B3GALT1: variants seen among roughly 807,000 people sequenced by gnomAD.
B3GALT1 encodes UDP-Gal:betaGlcNAc beta 1,3-galactosyltransferase, polypeptide 1.
A neutral mutation model predicts 23.2 loss-of-function variants in B3GALT1; 10 were observed. The ratio of observed to expected loss-of-function variants is 0.43; its 90% CI spans 0.27 to 0.73. B3GALT1 has a LOEUF of 0.73. B3GALT1 is among the 30% of genes least tolerant of loss of function. The pLI, the probability that B3GALT1 is intolerant of heterozygous loss-of-function variation, is 0.21. For synonymous variants in B3GALT1, 156 were observed against 141.5 expected (o/e 1.10, Z -0.73); for missense variants, 299 against 405.4 (o/e 0.74, Z 2.25).
chr2:167,349,417 G>A (rs1697276532), intron 1 of B3GALT1, among the ~76,000 whole-genome samples: 1 of 152,100 alleles, frequency 6.6e-6, no homozygotes, highest in African/African-American at 2.4e-5. Context: ...TGCAAGAATA[G>A]TGATGCTGGC....
chr2:167,774,498 T>TTTTTTTTTTTTTTTTTTTTG (rs1558974793), intron 3 of B3GALT1, among the ~76,000 whole-genome samples: 2 of 34,460 alleles, frequency 5.8e-5, no homozygotes, highest in Non-Finnish European at 8.8e-5. Context: ...TTTTTTTTTG[T>TTTTTTTTTTTTTTTTTTTTG]TTTTTTTTTT....
At chr2:167,567,269 G>A (rs139801884) in intron 2 of B3GALT1, among the ~76,000 whole-genome samples, 92 of 152,280 alleles carry the variant, frequency 6.0e-4, no homozygotes, top group African/African-American at 2.1e-3. Flanking sequence ...CAAGAATGTA[G>A]ATGACAATAC....
chr2:167,579,430 G>GTTTTTTTTTTTTTTTTTTTTTTTTTTTT (rs1553469287), intron 2 of B3GALT1, among the ~76,000 whole-genome samples: 3 of 63,622 alleles, frequency 4.7e-5, no homozygotes, highest in East Asian at 2.5e-3. Flanking sequence ...GTTTTTTTTT[G>GTTTTTTTTTTTTTTTTTTTTTTTTTTTT]TCTTTTTTTT....
In B3GALT1 at chr2:167,702,691, C is replaced by T. The variant is rs371923670; in HGVS notation, c.-352+55725C>T. Among the ~76,000 whole-genome samples the T allele has an allele frequency of 4.6e-5, 7 of 152,122 alleles. 1 individual carries two copies. The highest frequency in any genetic ancestry group is 1.0e-4 in the Non-Finnish European group (7 of 68,018). ...AATATTTCAGAAAATCAAATTTATT[C>T]CCTGAAGTACATTATAATAAAACGG... is the stretch of plus-strand genomic sequence containing the variant. On this transcript the variant is annotated intron_variant, in intron 3 of 4. Transcript: ENST00000392690.
At chr2:167,667,830 A>G (rs574460333) in intron 3 of B3GALT1, among the ~76,000 whole-genome samples, 3 of 152,326 alleles carry the variant, frequency 2.0e-5, no homozygotes, top group Admixed American at 2.0e-4. Context: ...TGTATTGGTT[A>G]TTCAAGTTAT....
intron 3 of B3GALT1, among the ~76,000 whole-genome samples, chr2:167,672,829 G>A (rs530172154): frequency 9.9e-5 from 15 of 151,878 alleles, no homozygotes; most frequent in African/African-American, 3.4e-4. Context: ...TATAGATAAG[G>A]GACTCAGATT....
rs549010146 is a variant in B3GALT1, at chr2:167,662,675, T to C, written c.-352+15709T>C. On this transcript the variant is annotated intron_variant, in intron 3 of 4. Transcript: ENST00000392690. ...TAACTCCTCTGCTCACAGCCTTCAA[T>C]GGCTCCCCATATGACATAGAGGAAA... Among the ~76,000 whole-genome samples, 4 of 152,124 alleles carry C rather than the reference T, an allele frequency of 2.6e-5. No homozygotes were observed. In the South Asian group the frequency reaches 8.3e-4, roughly 32 times the overall value.
At chr2:167,763,856 C>T (rs1687934043) in intron 3 of B3GALT1, among the ~76,000 whole-genome samples, 1 of 152,004 alleles carries the variant, frequency 6.6e-6, no homozygotes. Flanking sequence ...AAAACATGGC[C>T]TACAAGCATC....
intron 2 of B3GALT1, among the ~76,000 whole-genome samples, chr2:167,586,867 G>C (rs915404122): frequency 2.6e-5 from 4 of 152,062 alleles, no homozygotes; most frequent in African/African-American, 9.7e-5. Flanking sequence ...ACTCAAGAGA[G>C]TAACAAAAAA....
chr2:167,532,898 G>A (rs1271867604), intron 2 of B3GALT1, among the ~76,000 whole-genome samples: 2 of 106,530 alleles, frequency 1.9e-5, no homozygotes, highest in East Asian at 5.8e-4. Flanking sequence ...TTTCGCTCTT[G>A]TTGCCCAGGC....
intron 1 of B3GALT1, among the ~76,000 whole-genome samples, chr2:167,334,004 C>A (rs1380897836): frequency 6.6e-6 from 1 of 151,598 alleles, no homozygotes; most frequent in Admixed American, 6.6e-5. Context: ...CCAGATAATA[C>A]CTTATAAACT....
chr2:167,401,114 A>G (rs1423008901), intron 1 of B3GALT1, among the ~76,000 whole-genome samples: 1 of 152,064 alleles, frequency 6.6e-6, no homozygotes. Flanking sequence ...GGGACTGTAC[A>G]TTCTTGCCTC....
chr2:167,336,351 C>A (rs1310503602), intron 1 of B3GALT1, among the ~76,000 whole-genome samples: 1 of 152,144 alleles, frequency 6.6e-6, no homozygotes, highest in Non-Finnish European at 1.5e-5. Context: ...CCCAGGAAGA[C>A]AATTTACTGT....
At chr2:167,754,967 A>G (rs972657213) in intron 3 of B3GALT1, among the ~76,000 whole-genome samples, 1 of 152,212 alleles carries the variant, frequency 6.6e-6, no homozygotes, top group Admixed American at 6.5e-5. Context: ...CGAGCCATGC[A>G]TTCAAGCCTT....
At chr2:167,764,576 A>C (rs1349266493) in intron 3 of B3GALT1, among the ~76,000 whole-genome samples, 1 of 152,224 alleles carries the variant, frequency 6.6e-6, no homozygotes. Context: ...ACACTTTTAT[A>C]CATATGTAAA....
chr2:167,301,792 A>G (rs1033904616), intron 1 of B3GALT1, among the ~76,000 whole-genome samples: 10 of 152,040 alleles, frequency 6.6e-5, no homozygotes, highest in African/African-American at 2.4e-4. Context: ...CAAGTGACCT[A>G]CCCACCTGGG....
At chr2:167,718,153 G>A (rs1317260322) in intron 3 of B3GALT1, among the ~76,000 whole-genome samples, 2 of 152,118 alleles carry the variant, frequency 1.3e-5, no homozygotes, top group African/African-American at 4.8e-5. Context: ...ATCAAACTGT[G>A]ACCAAATTAC....
At chr2:167,573,003 C>G (rs1684322593) in intron 2 of B3GALT1, among the ~76,000 whole-genome samples, 1 of 151,764 alleles carries the variant, frequency 6.6e-6, no homozygotes, top group African/African-American at 2.4e-5. Context: ...AGTTCCCTCT[C>G]AAATTATCCC....
At chr2:167,470,652 C>A (rs1051272631) in intron 1 of B3GALT1, among the ~76,000 whole-genome samples, 5 of 151,964 alleles carry the variant, frequency 3.3e-5, no homozygotes, top group Non-Finnish European at 7.4e-5. Context: ...GAGATTGTCC[C>A]ACCCCCATAA....
Sources: gnomAD v4.1 joint callset for allele counts (sites outside exome capture counted in the v4.1 genomes callset) on GRCh38, gnomAD v4.1.1 for gene constraint, MANE v1.5 for transcripts, NCBI Gene and HGNC (gene_info 2026-07-23, HGNC 2026-07-21) for gene names.